ENOX1: variants seen among roughly 807,000 people sequenced by gnomAD.
ENOX1 encodes ecto-NOX disulfide-thiol exchanger 1.
Under a neutral mutation model 82.5 loss-of-function variants are expected in ENOX1, and 42 were observed. The observed-to-expected ratio is 0.51, with a 90% CI of 0.40 to 0.66. The LOEUF is 0.66. ENOX1 is among the 30% of genes least tolerant of loss of function. ENOX1 has a pLI of 0.00. For missense variants in ENOX1, 608 were observed against 811.6 expected (o/e 0.75, Z 3.05); for synonymous variants, 271 against 282.2 (o/e 0.96, Z 0.40).
intron 2 of ENOX1, among the ~76,000 whole-genome samples, chr13:43,567,222 T>C (rs2079959923): frequency 6.6e-6 from 1 of 152,120 alleles, no homozygotes; most frequent in Non-Finnish European, 1.5e-5. Context: ...AACCAAATCC[T>C]TAACAGGAAG....
intron 2 of ENOX1, among the ~76,000 whole-genome samples, chr13:43,633,680 A>ATGTGTG (rs1337849766): frequency 9.7e-5 from 4 of 41,078 alleles, no homozygotes; most frequent in Non-Finnish European, 2.7e-4. Context: ...ACATTTTAAA[A>ATGTGTG]TGTGTGTATG....
intron 3 of ENOX1, among the ~76,000 whole-genome samples, chr13:43,481,314 T>A (rs868236458): frequency 7.2e-5 from 11 of 152,076 alleles, no homozygotes; most frequent in African/African-American, 2.4e-4. Context: ...AAGGCAGATA[T>A]ATGGACCAAT....
At chr13:43,615,146 A>G (rs1334448210) in intron 2 of ENOX1, among the ~76,000 whole-genome samples, 1 of 152,234 alleles carries the variant, frequency 6.6e-6, no homozygotes, top group Non-Finnish European at 1.5e-5. Flanking sequence ...GGAATAAATA[A>G]ATCCAATTAC....
chr13:43,323,208 G>A (rs2047914751), intron 10 of ENOX1, among the ~76,000 whole-genome samples: 1 of 152,154 alleles, frequency 6.6e-6, no homozygotes, highest in Non-Finnish European at 1.5e-5. Context: ...AAGATGTTAG[G>A]GAACAAAACA....
Position 43,251,442 on chromosome 13 carries a change from C to T in ENOX1, c.1611+13956G>A, listed in dbSNP as rs148954711. ...ACTAATGTATCTACCTGCATAGGCTCATTACTGTGTTAGGTTCTGCAAGGA... is the reference window on the plus strand; with the variant it reads ...ACTAATGTATCTACCTGCATAGGCTTATTACTGTGTTAGGTTCTGCAAGGA... On this transcript the variant is annotated intron_variant, in intron 14 of 16. Transcript: ENST00000690772. 3.6e-3 allele frequency among the ~76,000 whole-genome samples: 548 copies of T among 152,292 alleles called. 8 individuals are homozygous for T. Among genetic ancestry groups the T allele is most frequent in the Admixed American group, 0.024 (366 of 15,296 alleles).
intron 2 of ENOX1, among the ~76,000 whole-genome samples, chr13:43,663,113 G>GGAAGCAGTGAGACCAGGACAAGGGT (rs1203611899): frequency 6.6e-6 from 1 of 152,164 alleles, no homozygotes; most frequent in Non-Finnish European, 1.5e-5. Context: ...ACTTCCCTTT[G>GGAAGCAGTGAGACCAGGACAAGGGT]GAAGCAGTGA....
intron 1 of ENOX1, among the ~76,000 whole-genome samples, chr13:43,680,372 C>A (rs1279051172): frequency 1.3e-5 from 2 of 152,200 alleles, no homozygotes; most frequent in Non-Finnish European, 2.9e-5. Context: ...CAAGAGAAGT[C>A]ATGGACAACT....
chr13:43,751,787 G>A (rs1950336386), intron 1 of ENOX1, among the ~76,000 whole-genome samples: 1 of 152,098 alleles, frequency 6.6e-6, no homozygotes, highest in Admixed American at 6.6e-5. Context: ...ACCTGTTGAT[G>A]GACATGTGGG....
chr13:43,285,287 A>G (rs1189622068), intron 12 of ENOX1, among the ~76,000 whole-genome samples: 1 of 152,192 alleles, frequency 6.6e-6, no homozygotes, highest in Non-Finnish European at 1.5e-5. Flanking sequence ...AAAAATGATT[A>G]ACACTCTATG....
At chr13:43,710,871 C>CTT (rs144855488) in intron 1 of ENOX1, among the ~76,000 whole-genome samples, 54 of 147,570 alleles carry the variant, frequency 3.7e-4, no homozygotes, top group Admixed American at 2.2e-3. Flanking sequence ...AAAGAAATAC[C>CTT]TTTTTTTTTT....
intron 1 of ENOX1, among the ~76,000 whole-genome samples, chr13:43,733,969 C>T (rs1052186247): frequency 2.0e-5 from 3 of 151,560 alleles, no homozygotes; most frequent in African/African-American, 7.3e-5. Flanking sequence ...TGCCCCCCAA[C>T]CAAAAAAAGA....
At chr13:43,513,273 C>T (rs2077438654) in intron 2 of ENOX1, among the ~76,000 whole-genome samples, 1 of 152,106 alleles carries the variant, frequency 6.6e-6, no homozygotes, top group Non-Finnish European at 1.5e-5. Context: ...CACGCCACTG[C>T]ACTCCAGCCT....
At chr13:43,628,579 A>G (rs1004263493) in intron 2 of ENOX1, among the ~76,000 whole-genome samples, 1 of 152,208 alleles carries the variant, frequency 6.6e-6, no homozygotes, top group African/African-American at 2.4e-5. Flanking sequence ...CTTTTCAGAT[A>G]ATTCTGACAG....
Position 43,350,697 on chromosome 13 carries a change from G to A in ENOX1, c.823+5222C>T, listed in dbSNP as rs565839825. On this transcript the variant is annotated intron_variant, in intron 8 of 16. Transcript: ENST00000690772. ...TGACCTCAGGTGATCCACCCATCTC[G>A]GCCTCCCAAAGGGCTAGGATTACAG... 4.6e-5 allele frequency among the ~76,000 whole-genome samples: 7 copies of A among 152,196 alleles called. No individual in the cohort carries two copies. The East Asian group carries it at 9.7e-4, about 21-fold the overall frequency.
At chr13:43,554,252 T>C (rs939072097) in intron 2 of ENOX1, among the ~76,000 whole-genome samples, 3 of 152,194 alleles carry the variant, frequency 2.0e-5, no homozygotes, top group Non-Finnish European at 4.4e-5. Flanking sequence ...CATGTACACA[T>C]TGAATCAGAA....
At chr13:43,319,278 ACTC>A (rs1456895468) in intron 11 of ENOX1, among the ~76,000 whole-genome samples, 1 of 152,066 alleles carries the variant, frequency 6.6e-6, no homozygotes, top group African/African-American at 2.4e-5. Context: ...GCTCCAGTGA[ACTC>A]CTTTTCCCCT....
chr13:43,529,355 T>C (rs185304149), intron 2 of ENOX1, among the ~76,000 whole-genome samples: 10 of 152,178 alleles, frequency 6.6e-5, no homozygotes, highest in African/African-American at 1.7e-4. Context: ...GACTTACTAA[T>C]GGGCCCAAAG....
At chr13:43,709,952 T>C (rs550631262) in intron 1 of ENOX1, among the ~76,000 whole-genome samples, 1 of 152,314 alleles carries the variant, frequency 6.6e-6, no homozygotes, top group African/African-American at 2.4e-5. Flanking sequence ...AAACAGATCA[T>C]TCCTATTTTA....
chr13:43,360,507 T>TA lies in ENOX1; in HGVS notation c.383-451dup, dbSNP rs144320740. On this transcript the variant is annotated intron_variant, in intron 6 of 16. Coordinates refer to ENST00000690772, the MANE Select transcript of ENOX1 (RefSeq NM_001347969.2). ...AACCTACAAAAGCACGCACAATACTTACTTGGCTGTGAAACACCGGGCCTG... is the reference window on the plus strand; with the variant it reads ...AACCTACAAAAGCACGCACAATACTTAACTTGGCTGTGAAACACCGGGCCTG... 7.6e-3 allele frequency among the ~76,000 whole-genome samples: 1,162 copies of TA among 152,216 alleles called. 20 individuals are homozygous for TA. Among genetic ancestry groups the TA allele is most frequent in the African/African-American group, 0.027 (1,127 of 41,516 alleles).
Sources: allele counts gnomAD v4.1 joint callset (sites outside exome capture counted in the v4.1 genomes callset), GRCh38; gene constraint gnomAD v4.1.1; transcripts MANE v1.5; gene names NCBI Gene and HGNC (gene_info 2026-07-23, HGNC 2026-07-21).